The following KCNU1 variants were observed in gnomAD, a reference collection of about 807,000 sequenced individuals.
The protein encoded by KCNU1 is potassium channel subfamily U member 1.
Under a neutral mutation model 126.8 loss-of-function variants are expected in KCNU1, and 93 were observed. The observed-to-expected ratio is 0.73, with a 90% CI of 0.62 to 0.87. The LOEUF (loss-of-function observed/expected upper bound fraction) is 0.87. Among genes scored for constraint, KCNU1 ranks in the 40% least tolerant of loss-of-function variants. The pLI is 0.00. For synonymous variants in KCNU1, 523 were observed against 494.2 expected (o/e 1.06, Z -0.77); for missense variants, 1,330 against 1,367.1 (o/e 0.97, Z 0.43).
intron 18 of KCNU1, among the ~76,000 whole-genome samples, chr8:36,861,629 C>T (rs1312238062): frequency 6.6e-6 from 1 of 152,092 alleles, no homozygotes; most frequent in Non-Finnish European, 1.5e-5. Flanking sequence ...TTAGGAATGT[C>T]ACAATGAGTG....
chr8:36,890,716 A>G (rs1309704585), intron 19 of KCNU1, among the ~76,000 whole-genome samples: 1 of 151,996 alleles, frequency 6.6e-6, no homozygotes, highest in Non-Finnish European at 1.5e-5. Context: ...TAGAGTTGAT[A>G]AAGAAACAAG....
chr8:36,838,758 A>T (rs1804845885), intron 14 of KCNU1, among the ~76,000 whole-genome samples: 1 of 152,136 alleles, frequency 6.6e-6, no homozygotes, highest in Non-Finnish European at 1.5e-5. Flanking sequence ...ACTGAGGATG[A>T]TCACCTGTCA....
intron 12 of KCNU1, among the ~76,000 whole-genome samples, chr8:36,835,505 C>T (rs1804715796): frequency 6.6e-6 from 1 of 152,068 alleles, no homozygotes; most frequent in South Asian, 2.1e-4. Context: ...CCACGCCAGA[C>T]TAATTTTTTA....
At chr8:36,853,107 T>C (rs1426769829) in intron 18 of KCNU1, among the ~76,000 whole-genome samples, 1 of 152,132 alleles carries the variant, frequency 6.6e-6, no homozygotes, top group Non-Finnish European at 1.5e-5. Context: ...GCCAGCATTA[T>C]GGGAGGCTGA....
chr8:36,891,698 C>A (rs1445833664), intron 19 of KCNU1, among the ~76,000 whole-genome samples: 1 of 152,032 alleles, frequency 6.6e-6, no homozygotes, highest in Non-Finnish European at 1.5e-5. Context: ...GTCTCCATTT[C>A]TTCATCATTT....
At chr8:36,881,795 A>T (rs2117400309) in intron 19 of KCNU1, among the ~76,000 whole-genome samples, 1 of 89,174 alleles carries the variant, frequency 1.1e-5, no homozygotes, top group Non-Finnish European at 2.2e-5. Context: ...GAAAAGTCAA[A>T]TCACACACAC....
intron 19 of KCNU1, among the ~76,000 whole-genome samples, chr8:36,887,442 G>T (rs369759681): frequency 6.2e-4 from 78 of 124,828 alleles, no homozygotes; most frequent in East Asian, 1.7e-3. Context: ...TTGGCCATTT[G>T]TTTTTTTTTG....
At chr8:36,885,500 T>C (rs1364841036) in intron 19 of KCNU1, among the ~76,000 whole-genome samples, 1 of 151,910 alleles carries the variant, frequency 6.6e-6, no homozygotes, top group African/African-American at 2.4e-5. Context: ...GGTTGCAGTG[T>C]GTGAGATCGC....
At chr8:36,929,724 G>A (rs2117610482) in intron 24 of KCNU1, among the ~76,000 whole-genome samples, 1 of 152,264 alleles carries the variant, frequency 6.6e-6, no homozygotes, top group African/African-American at 2.4e-5. Flanking sequence ...GAGGGGACAG[G>A]TCATGGAGGA....
At chr8:36,889,244 TA>T (rs1481476353) in intron 19 of KCNU1, 1 of 534,346 alleles carries the variant, frequency 1.9e-6, no homozygotes, top group African/African-American at 1.9e-5. Context: ...TGAACTACCG[TA>T]AGGATGGTCA....
intron 19 of KCNU1, among the ~76,000 whole-genome samples, chr8:36,891,853 T>C (rs1301440717): frequency 6.6e-6 from 1 of 152,136 alleles, no homozygotes; most frequent in African/African-American, 2.4e-5. Context: ...CCCTTGTAGA[T>C]GCTGAGTTGC....
intron 19 of KCNU1, 135 bp from the exon 20 acceptor site, chr8:36,905,573 T>A: frequency 1.5e-6 from 1 of 647,602 alleles, no homozygotes; most frequent in Non-Finnish European, 2.8e-6. Flanking sequence ...TATTCTAGAG[T>A]CTTACAGACC....
chr8:36,926,682 A>T (rs1464163821), intron 24 of KCNU1, among the ~76,000 whole-genome samples: 1 of 152,104 alleles, frequency 6.6e-6, no homozygotes, highest in African/African-American at 2.4e-5. Context: ...CCAATTTTGC[A>T]TGTCCCTTTT....
chr8:36,933,126 G>T (rs1478902714), intron 26 of KCNU1, 94 bp downstream of exon 26: 1 of 774,950 alleles, frequency 1.3e-6, no homozygotes, highest in Non-Finnish European at 2.2e-6. Context: ...CAGAGCTCAG[G>T]GTCCACAGTT....
intron 13 of KCNU1, 67 bp from the exon 14 acceptor site, chr8:36,836,726 C>T: frequency 7.5e-7 from 1 of 1,336,102 alleles, no homozygotes. Context: ...GAAAGACATC[C>T]ATCCTCAAGA....
At chr8:36,786,269 A>C (rs1420435252) in intron 1 of KCNU1, among the ~76,000 whole-genome samples, 1 of 152,208 alleles carries the variant, frequency 6.6e-6, no homozygotes, top group Non-Finnish European at 1.5e-5. Flanking sequence ...TTGTTTTTCC[A>C]CAGAAGGTAG....
chr8:36,834,068 C>T (rs1804658912), intron 11 of KCNU1, among the ~76,000 whole-genome samples: 1 of 152,166 alleles, frequency 6.6e-6, no homozygotes, highest in Non-Finnish European at 1.5e-5. Flanking sequence ...CATGGATATG[C>T]TTTCCAATAG....
intron 19 of KCNU1, among the ~76,000 whole-genome samples, chr8:36,868,423 T>A (rs1351269626): frequency 1.3e-5 from 2 of 152,160 alleles, no homozygotes; most frequent in East Asian, 3.9e-4. Context: ...TGATCCATTT[T>A]TTTTATGCCT....
chr8:36,784,674 T>A, intron 1 of KCNU1, 69 bp downstream of exon 1: 1 of 1,173,344 alleles, frequency 8.5e-7, no homozygotes, highest in Non-Finnish European at 1.2e-6. Context: ...TTGTGTTTAG[T>A]AAAAGATCTA....
Sources: gnomAD v4.1 joint callset for allele counts (sites outside exome capture counted in the v4.1 genomes callset) on GRCh38, gnomAD v4.1.1 for gene constraint, MANE v1.5 for transcripts, NCBI Gene and HGNC (gene_info 2026-07-23, HGNC 2026-07-21) for gene names.